Variants in PHLDB2 observed in about 807,000 individuals in gnomAD.
The protein encoded by PHLDB2 is pleckstrin homology-like domain family B member 2.
In PHLDB2, 71 loss-of-function variants were observed where a neutral mutation model predicts 123.6. The ratio of observed to expected loss-of-function variants is 0.57; its 90% CI spans 0.47 to 0.70. The LOEUF (loss-of-function observed/expected upper bound fraction) is 0.70. Ranked by LOEUF, PHLDB2 falls within the 30% of genes least tolerant of loss-of-function variation. The probability of loss-of-function intolerance (pLI) is 0.00; values close to 1 mark genes in which losing one functional copy is unlikely to be tolerated. For synonymous variants in PHLDB2, 547 were observed against 541.6 expected (o/e 1.01, Z -0.14); for missense variants, 1,446 against 1,519.5 (o/e 0.95, Z 0.80).
chr3:111,916,227 ACT>A (rs1397893359), intron 3 of PHLDB2: 5 of 152,194 alleles, frequency 3.3e-5, no homozygotes, highest in South Asian at 2.1e-4. Context: ...GAGAGGTAAG[ACT>A]CTGCATCCTT....
intron 12 of PHLDB2, chr3:111,957,078 G>C (rs149743541): frequency 1.3e-5 from 2 of 152,552 alleles, no homozygotes; most frequent in African/African-American, 4.8e-5. Flanking sequence ...AGCGTGAGTC[G>C]TGCAAAGAAC....
At chr3:111,839,940 C>T (rs1309535348) in intron 1 of PHLDB2, among the ~76,000 whole-genome samples, 63 of 64,922 alleles carry the variant, frequency 9.7e-4, no homozygotes, top group East Asian at 3.0e-3. Context: ...CCCACCCCCG[C>T]TTTTTTTTTT....
intron 1 of PHLDB2, among the ~76,000 whole-genome samples, chr3:111,749,490 A>G (rs368687378): frequency 1.1e-3 from 168 of 152,306 alleles, no homozygotes; most frequent in African/African-American, 3.8e-3. Context: ...ACCCTGTTAC[A>G]ATAATATTTC....
At chr3:111,742,284 C>A (rs1349364765) in intron 1 of PHLDB2, among the ~76,000 whole-genome samples, 1 of 152,084 alleles carries the variant, frequency 6.6e-6, no homozygotes, top group African/African-American at 2.4e-5. Context: ...ATGTTAGAAT[C>A]AAATATTTTC....
At chr3:111,905,052 C>A (rs2067433017) in intron 2 of PHLDB2, among the ~76,000 whole-genome samples, 1 of 152,074 alleles carries the variant, frequency 6.6e-6, no homozygotes. Context: ...GAGAGCGGGC[C>A]CTCTAATTAG....
At chr3:111,802,350 A>G (rs2108274068) in intron 1 of PHLDB2, among the ~76,000 whole-genome samples, 1 of 152,316 alleles carries the variant, frequency 6.6e-6, no homozygotes, top group East Asian at 1.9e-4. Context: ...GCAAGGGGAG[A>G]GCACTTTCCA....
intron 13 of PHLDB2, 63 bp from the exon 14 acceptor site, chr3:111,966,544 GTGTGTA>G (rs1330055212): frequency 3.8e-5 from 35 of 912,354 alleles, no homozygotes; most frequent in Non-Finnish European, 4.4e-5. Flanking sequence ...GTGTGTGTGT[GTGTGTA>G]TGTATTAGAG....
In PHLDB2 at chr3:111,884,511, A is replaced by C; in HGVS notation, c.434A>C (p.Lys145Thr). 1 of 1,614,194 alleles carries C rather than the reference A, an allele frequency of 6.2e-7. No individual in the cohort carries two copies. ...DSERALRLSE[K>T]PPYSKYSSRH... ...GAAAGGGCCTTGAGGCTCTCAGAGAAGCCTCCCTATTCCAAATATAGCTCA... is the reference window on the plus strand; with the variant it reads ...GAAAGGGCCTTGAGGCTCTCAGAGACGCCTCCCTATTCCAAATATAGCTCA... The change falls in exon 2 of 18, where the codon AAG becomes ACG. Residue 145 changes from lysine to threonine, a missense_variant. Transcript: ENST00000431670.
At chr3:111,841,138 C>T (rs2063673908) in intron 1 of PHLDB2, among the ~76,000 whole-genome samples, 2 of 152,046 alleles carry the variant, frequency 1.3e-5, no homozygotes, top group South Asian at 2.1e-4. Context: ...CTCACTCTGT[C>T]GCCCAGGCTG....
intron 1 of PHLDB2, among the ~76,000 whole-genome samples, chr3:111,764,062 T>C (rs999925357): frequency 2.6e-5 from 4 of 152,212 alleles, no homozygotes; most frequent in Non-Finnish European, 5.9e-5. Flanking sequence ...CAGACAGACC[T>C]GCACATGACC....
At chr3:111,832,696 A>C (rs2063118628) in intron 1 of PHLDB2, among the ~76,000 whole-genome samples, 2 of 99,072 alleles carry the variant, frequency 2.0e-5, no homozygotes, top group Middle Eastern at 5.0e-3. Context: ...TAATATATAT[A>C]ATAGAATTAT....
At chr3:111,795,206 A>C (rs983498716) in intron 1 of PHLDB2, among the ~76,000 whole-genome samples, 10 of 152,200 alleles carry the variant, frequency 6.6e-5, no homozygotes, top group Admixed American at 5.2e-4. Flanking sequence ...TTAAGAAATC[A>C]GATAGGTATT....
intron 2 of PHLDB2, among the ~76,000 whole-genome samples, chr3:111,849,299 T>C (rs2064146722): frequency 6.6e-6 from 1 of 152,028 alleles, no homozygotes; most frequent in African/African-American, 2.4e-5. Flanking sequence ...GTCTCCAGAG[T>C]AGGTAAGACT....
intron 2 of PHLDB2, among the ~76,000 whole-genome samples, chr3:111,886,185 T>A (rs1315016872): frequency 6.6e-6 from 1 of 152,244 alleles, no homozygotes; most frequent in Non-Finnish European, 1.5e-5. Flanking sequence ...CATTTTTGAT[T>A]CATGATTTCC....
At chr3:111,864,920 A>G (rs1399824817) in intron 1 of PHLDB2, among the ~76,000 whole-genome samples, 4 of 152,238 alleles carry the variant, frequency 2.6e-5, no homozygotes, top group Non-Finnish European at 5.9e-5. Flanking sequence ...TTTTGTTTGC[A>G]CATTGCATGT....
intron 1 of PHLDB2, among the ~76,000 whole-genome samples, chr3:111,871,968 C>T (rs1335313567): frequency 2.0e-5 from 3 of 152,206 alleles, no homozygotes; most frequent in Non-Finnish European, 2.9e-5. Context: ...TATCTTCCAG[C>T]GATCTCATCA....
At chr3:111,923,625 T>C (rs1376845667) in intron 5 of PHLDB2, among the ~76,000 whole-genome samples, 1 of 152,170 alleles carries the variant, frequency 6.6e-6, no homozygotes, top group African/African-American at 2.4e-5. Context: ...ATCTTATCTT[T>C]TCCCTTGCCT....
At chr3:111,818,619 A>G (rs1449603369) in intron 1 of PHLDB2, among the ~76,000 whole-genome samples, 1 of 152,136 alleles carries the variant, frequency 6.6e-6, no homozygotes, top group East Asian at 1.9e-4. Context: ...TACAAATTCT[A>G]AAAGCTCTTT....
intron 1 of PHLDB2, among the ~76,000 whole-genome samples, chr3:111,774,236 G>C (rs6786612): frequency 0.37 from 56,407 of 152,090 alleles, 12,834 homozygotes; most frequent in Middle Eastern, 0.54. Flanking sequence ...AAGTAAGGCT[G>C]TGAGAGGTAT....
Sources: gnomAD v4.1 joint callset for allele counts (sites outside exome capture counted in the v4.1 genomes callset) on GRCh38, gnomAD v4.1.1 for gene constraint, MANE v1.5 for transcripts, NCBI Gene and HGNC (gene_info 2026-07-23, HGNC 2026-07-21) for gene names.